Variants in CCND3 observed in about 807,000 individuals in gnomAD.
The protein encoded by CCND3 is cyclin D3.
In CCND3, 9 loss-of-function variants were observed where a neutral mutation model predicts 28.7. That is an observed-to-expected ratio of 0.31 (90% CI 0.19 to 0.55). The LOEUF is 0.55. Among genes scored for constraint, CCND3 ranks in the 20% least tolerant of loss-of-function variants. CCND3 has a pLI of 0.93. For synonymous variants in CCND3, 164 were observed against 163.9 expected, an observed-to-expected ratio of 1.00 and a Z score of 0.00; for missense variants, 315 against 385.8, an observed-to-expected ratio of 0.82 and a Z score of 1.54.
At chr6:42,015,715 A>AT (rs1182900528) in intron 1 of CCND3, among the ~76,000 whole-genome samples, 1 of 151,796 alleles carries the variant, frequency 6.6e-6, no homozygotes. Context: ...ATCTCAAAAA[A>AT]TAAAAAAAAA....
intron 1 of CCND3, among the ~76,000 whole-genome samples, chr6:42,007,812 T>C (rs1025096557): frequency 2.6e-5 from 4 of 152,302 alleles, no homozygotes; most frequent in African/African-American, 9.6e-5. Flanking sequence ...TTTTTTGGAA[T>C]GCTGGCGATC....
At chr6:42,040,083 TACACATGTGCACACACACGTGTGTGGTGC>T (rs1764325031) in intron 1 of CCND3, among the ~76,000 whole-genome samples, 3 of 152,210 alleles carry the variant, frequency 2.0e-5, no homozygotes, top group Non-Finnish European at 2.9e-5. Flanking sequence ...GGTAGGTGGA[TACACATGTGCACACACACGTGTGTGGTGC>T]ACACAGTGTG....
intron 1 of CCND3, among the ~76,000 whole-genome samples, chr6:42,007,425 G>C (rs972492499): frequency 6.6e-6 from 1 of 152,216 alleles, no homozygotes; most frequent in Admixed American, 6.5e-5. Flanking sequence ...CTGAGCAGAG[G>C]CTGGTAGAAT....
chr6:42,006,715 T>C (rs986953512), intron 1 of CCND3, among the ~76,000 whole-genome samples: 1 of 152,060 alleles, frequency 6.6e-6, no homozygotes, highest in Non-Finnish European at 1.5e-5. Context: ...AAGACCATCC[T>C]GGCTAACACG....
chr6:41,970,165 C>T (rs60323142), intron 1 of CCND3, among the ~76,000 whole-genome samples: 7 of 151,828 alleles, frequency 4.6e-5, no homozygotes, highest in Non-Finnish European at 7.4e-5. Context: ...ATGGTGAAAC[C>T]CCATCTCTAC....
Position 42,043,462 on chromosome 6 carries a change from C to T in CCND3, c.-46+5039G>A, listed in dbSNP as rs568948605. 1.1e-4 allele frequency among the ~76,000 whole-genome samples: 16 copies of T among 152,234 alleles called. No individual in the cohort carries two copies. The South Asian group carries it at 2.5e-3, about 24-fold the overall frequency. On this transcript the variant is annotated intron_variant, in intron 1 of 4. Coordinates refer to the CCND3 transcript ENST00000372988. ...AGGAGAATCACTTGAATCTGGGAGG[C>T]GGAGGTTGCAGTGGGCCAAGATCGT... is the stretch of plus-strand genomic sequence containing the variant.
In CCND3 at chr6:42,048,889, A is replaced by AT. The variant is rs1764631938; in HGVS notation, c.-435dup. 6.8e-6 allele frequency: 2 copies of AT among 292,144 alleles called. No individual in the cohort carries two copies. The highest frequency in any genetic ancestry group is 1.2e-4 in the Admixed American group (2 of 16,742). The allele number at this position is 292,144 out of a possible 1,614,324, so 18.1% of individuals were successfully genotyped here. On this transcript the variant is annotated 5_prime_UTR_variant, in exon 1 of 5. Transcript: ENST00000372988. The surrounding 1 kb of genome is among the most constrained non-coding windows in gnomAD (Gnocchi z 4.7). ...GCCCGCAGCCCCCGCCCCACGCGGC[A>AT]TAGGTGCGGGGGCGGGGCGCCACGG...
intron 1 of CCND3, among the ~76,000 whole-genome samples, chr6:42,033,675 C>T (rs979802552): frequency 4.0e-5 from 6 of 149,012 alleles, no homozygotes; most frequent in Non-Finnish European, 8.9e-5. Context: ...TGGAAAAACC[C>T]CGTCTCTACT....
chr6:41,971,634 C>G (rs1330861898), intron 1 of CCND3, among the ~76,000 whole-genome samples: 2 of 151,478 alleles, frequency 1.3e-5, no homozygotes, highest in Non-Finnish European at 2.9e-5. Flanking sequence ...CTCCACCTCC[C>G]AGGTTCAAGC....
chr6:42,046,654 G>GCACA (rs142253936), intron 1 of CCND3, among the ~76,000 whole-genome samples: 3 of 151,100 alleles, frequency 2.0e-5, no homozygotes, highest in East Asian at 1.9e-4. Context: ...ACACGCGCGC[G>GCACA]CACACACACA....
chr6:41,943,331 C>T (rs145423139), upstream of CCND3, among the ~76,000 whole-genome samples: 18 of 152,136 alleles, frequency 1.2e-4, no homozygotes, highest in East Asian at 3.5e-3. Flanking sequence ...TTTTTCTAAT[C>T]TTTGTTCTAT....
At position 41,940,423 on chromosome 6, in the gene CCND3, T is replaced by A; in HGVS notation, c.361A>T (p.Ile121Phe). ...SKLRETTPLT[I>F]EKLCIYTDHA... ...TCGGTGTAGATGCACAGTTTTTCGATGGTCAGGGGCGTGGTCTCGCGCAGC... is the reference window on the plus strand; with the variant it reads ...TCGGTGTAGATGCACAGTTTTTCGAAGGTCAGGGGCGTGGTCTCGCGCAGC... Residue 121 changes from isoleucine (I) to phenylalanine (F), a missense_variant, in exon 2 of 5, where the codon ATC becomes TTC. Ile to Phe is a conservative substitution (Grantham distance 21). Transcript: ENST00000372991. 6.2e-7 allele frequency: 1 copy of A among 1,613,934 alleles called. No homozygotes were observed. Among genetic ancestry groups the A allele is most frequent in the South Asian group, 1.1e-5 (1 of 91,064 alleles).
intron 1 of CCND3, among the ~76,000 whole-genome samples, chr6:41,963,894 AGTCTCTGCTCCAT>A (rs556833240): frequency 6.6e-6 from 1 of 152,254 alleles, no homozygotes; most frequent in Non-Finnish European, 1.5e-5. Flanking sequence ...CACTTCCCTC[AGTCTCTGCTCCAT>A]TTTCACCTTT....
intron 1 of CCND3, among the ~76,000 whole-genome samples, chr6:42,027,613 A>G (rs1763917352): frequency 6.6e-6 from 1 of 152,034 alleles, no homozygotes. Context: ...AACCCAACCC[A>G]TGGGGAAGGT....
chr6:41,976,084 G>C (rs1762174652), intron 1 of CCND3, among the ~76,000 whole-genome samples: 1 of 152,136 alleles, frequency 6.6e-6, no homozygotes, highest in African/African-American at 2.4e-5. Context: ...GGGCGCTGTG[G>C]CTCACACCTG....
In CCND3 at chr6:41,936,087, C is replaced by G. The variant is rs2127389841; in HGVS notation, c.732G>C (p.Gln244His). 1 of 1,600,038 alleles carries G rather than the reference C, an allele frequency of 6.2e-7. No individual in the cohort carries two copies. The highest frequency in any genetic ancestry group is 2.2e-5 in the East Asian group (1 of 44,684). The stretch of plus-strand genomic sequence containing the variant: ...CCCTGAGTGCAGCTTCGATCTGCTC[C>G]TGACAGGCCCGCAGGCAGTCCTGGG... ...GTEVDCLRAC[Q>H]EQIEAALRES... Residue 244 changes from glutamine (Q) to histidine (H), a missense_variant, in exon 5 of 5, where the codon CAG (glutamine) becomes CAC (histidine). Gln to His is a conservative substitution (Grantham distance 24). Coordinates refer to ENST00000372991, the MANE Select transcript of CCND3 (RefSeq NM_001760.5). The surrounding 1 kb of genome is among the most constrained non-coding windows in gnomAD (Gnocchi z 4.4).
intron 1 of CCND3, among the ~76,000 whole-genome samples, chr6:42,016,524 C>T (rs1763517570): frequency 6.6e-6 from 1 of 151,490 alleles, no homozygotes; most frequent in African/African-American, 2.4e-5. Flanking sequence ...AGTAGACTCA[C>T]AACACTCAAC....
At chr6:41,989,983 T>A (rs1369631333) in intron 1 of CCND3, among the ~76,000 whole-genome samples, 1 of 151,544 alleles carries the variant, frequency 6.6e-6, no homozygotes. Flanking sequence ...AGAAAAAAAA[T>A]AAAGGACTTA....
At chr6:42,001,870 T>C (rs1763021743) in intron 1 of CCND3, among the ~76,000 whole-genome samples, 1 of 152,052 alleles carries the variant, frequency 6.6e-6, no homozygotes, top group South Asian at 2.1e-4. Context: ...ATCCCAGAAC[T>C]TTGGGAGGCT....
Sources: gnomAD v4.1 joint callset for allele counts (sites outside exome capture counted in the v4.1 genomes callset) on GRCh38, gnomAD v4.1.1 for gene constraint, Gnocchi (gnomAD v3.1) non-coding constraint, MANE v1.5 for transcripts, NCBI Gene and HGNC (gene_info 2026-07-23, HGNC 2026-07-21) for gene names.